Variants in ABI2 observed in about 807,000 individuals in gnomAD.
ABI2 encodes the protein abelson interactor 2.
In ABI2, 25 loss-of-function variants were observed where a neutral mutation model predicts 59.2. The observed-to-expected ratio is 0.42, with a 90% CI of 0.31 to 0.59. ABI2 has a LOEUF of 0.59. ABI2 is among the 20% of genes least tolerant of loss of function. The probability of loss-of-function intolerance (pLI) is 0.14; values close to 1 mark genes in which losing one functional copy is unlikely to be tolerated. For missense variants in ABI2, 545 were observed against 681.8 expected (o/e 0.80, Z 2.23); for synonymous variants, 213 against 235.5 (o/e 0.90, Z 0.87).
At chr2:203,404,597 C>T (rs939865411) in intron 9 of ABI2, among the ~76,000 whole-genome samples, 1 of 152,150 alleles carries the variant, frequency 6.6e-6, no homozygotes. Flanking sequence ...CTTGCTCTGT[C>T]ACCCAGGCTG....
At chr2:203,356,208 G>A (rs2091892373) in intron 1 of ABI2, among the ~76,000 whole-genome samples, 1 of 151,776 alleles carries the variant, frequency 6.6e-6, no homozygotes, top group African/African-American at 2.4e-5. Flanking sequence ...TTTTTTTTGA[G>A]ACAAGGTCTT....
intron 2 of ABI2, among the ~76,000 whole-genome samples, chr2:203,368,183 C>T (rs972003760): frequency 6.6e-6 from 1 of 152,022 alleles, no homozygotes; most frequent in Non-Finnish European, 1.5e-5. Flanking sequence ...TTGTACCTTT[C>T]ATAATCATTC....
intron 4 of ABI2, among the ~76,000 whole-genome samples, chr2:203,383,021 A>G (rs2096238398): frequency 6.6e-6 from 1 of 152,202 alleles, no homozygotes; most frequent in African/African-American, 2.4e-5. Context: ...GCCTGCCTAA[A>G]ATACAAGGTT....
Position 203,395,646 on chromosome 2 carries a change from A to C in ABI2, c.726-10A>C. On this transcript the variant is annotated splice_polypyrimidine_tract_variant and intron_variant, in intron 6 of 11. Transcript: ENST00000261018. ...AAATACTCATGTTTTGGTGGCTCTT[A>C]TTTCTTTAGCAGCAGTGGGAGTAGT... is the stretch of plus-strand genomic sequence containing the variant. 1.2e-6 allele frequency: 2 copies of C among 1,604,552 alleles called. No homozygotes were observed. Among genetic ancestry groups the C allele is most frequent in the East Asian group, 4.5e-5 (2 of 44,240 alleles).
At chr2:203,390,794 A>T (rs1466070868) in intron 4 of ABI2, among the ~76,000 whole-genome samples, 1 of 152,244 alleles carries the variant, frequency 6.6e-6, no homozygotes, top group African/African-American at 2.4e-5. Flanking sequence ...TGTTGGTGTG[A>T]TGGCCTAATG....
intron 2 of ABI2, chr2:203,375,943 G>C (rs2095649882): frequency 1.3e-6 from 1 of 747,370 alleles, no homozygotes; most frequent in Non-Finnish European, 2.1e-6. Context: ...CAATACTGCA[G>C]TTCAACCCCG....
chr2:203,350,531 C>CTT (rs982629503), intron 1 of ABI2, among the ~76,000 whole-genome samples: 8 of 150,160 alleles, frequency 5.3e-5, no homozygotes, highest in African/African-American at 2.0e-4. Flanking sequence ...TTTTCTTTTT[C>CTT]TTTCTTTTCT....
intron 1 of ABI2, among the ~76,000 whole-genome samples, chr2:203,358,056 C>G (rs2092612142): frequency 1.3e-5 from 2 of 148,604 alleles, no homozygotes; most frequent in Non-Finnish European, 3.0e-5. Flanking sequence ...CCATGAGCCA[C>G]TGTGCCTGGC....
intron 4 of ABI2, among the ~76,000 whole-genome samples, chr2:203,388,725 T>A (rs566507824): frequency 6.6e-6 from 1 of 152,018 alleles, no homozygotes; most frequent in African/African-American, 2.4e-5. Context: ...GATTTTAATA[T>A]ATAGATTGTT....
intron 1 of ABI2, among the ~76,000 whole-genome samples, chr2:203,366,313 G>A (rs562745262): frequency 1.3e-5 from 2 of 152,162 alleles, no homozygotes; most frequent in African/African-American, 2.4e-5. Flanking sequence ...CACTTACAAT[G>A]TTTGGGAAGG....
intron 4 of ABI2, among the ~76,000 whole-genome samples, chr2:203,389,224 A>C (rs1316890599): frequency 6.6e-6 from 1 of 152,214 alleles, no homozygotes; most frequent in Non-Finnish European, 1.5e-5. Context: ...GAGGGAGAGC[A>C]AGGATAAGTT....
Position 203,382,174 on chromosome 2 carries a change from C to G in ABI2, c.463-15C>G. 1 of 1,525,468 alleles carries G rather than the reference C, an allele frequency of 6.6e-7. No homozygotes were observed. The highest frequency in any genetic ancestry group is 8.8e-7 in the Non-Finnish European group (1 of 1,142,298). 94.5% of individuals were successfully genotyped at this position (1,525,468 alleles called of 1,614,324 possible). On this transcript the variant is annotated splice_polypyrimidine_tract_variant and intron_variant, in intron 3 of 11. Transcript: ENST00000261018. ...TTTTCCTTACCTCTTTTATTTGCTC[C>G]ATTTATGCATTAAGTGGTTGCTTAG... is the stretch of plus-strand genomic sequence containing the variant.
At chr2:203,384,295 T>TGTTTTTGTTTTTTTTTGTTTTG (rs1559289040) in intron 4 of ABI2, among the ~76,000 whole-genome samples, 1 of 87,944 alleles carries the variant, frequency 1.1e-5, no homozygotes, top group African/African-American at 3.6e-5. Context: ...TTTTTGTTTT[T>TGTTTTTGTTTTTTTTTGTTTTG]TTTTTTTTTT....
chr2:203,403,968 G>T (rs2097327576), intron 9 of ABI2, among the ~76,000 whole-genome samples: 1 of 151,804 alleles, frequency 6.6e-6, no homozygotes, highest in Non-Finnish European at 1.5e-5. Context: ...GGCCAGGCTG[G>T]TCTTAAACTC....
intron 10 of ABI2, among the ~76,000 whole-genome samples, chr2:203,414,101 CTTTTTT>C (rs539839995): frequency 7.9e-6 from 1 of 126,716 alleles, no homozygotes. Context: ...CTTGCATTGT[CTTTTTT>C]TTTTTTTTTT....
intron 2 of ABI2, among the ~76,000 whole-genome samples, chr2:203,374,175 A>G (rs909255866): frequency 4.6e-5 from 7 of 151,926 alleles, no homozygotes; most frequent in African/African-American, 1.7e-4. Context: ...CCAAAACACA[A>G]AAACTTTATA....
At position 203,430,746 on chromosome 2, in the gene ABI2, C is replaced by T. The variant is rs867377430; in HGVS notation, c.*3394C>T. ...GGGTGTGAGACATTTTCATCCCCTC[C>T]TTTTTCCTACTGCTGGTGTTTATTA... On this transcript the variant is annotated 3_prime_UTR_variant, in exon 12 of 12. Coordinates refer to ENST00000261018, the MANE Select transcript of ABI2 (RefSeq NM_001375670.1). 6.6e-6 allele frequency: 1 copy of T among 152,198 alleles called. No individual in the cohort carries two copies. The highest frequency in any genetic ancestry group is 6.5e-5 in the Admixed American group (1 of 15,280). 9.4% of individuals were successfully genotyped at this position (152,198 alleles called of 1,614,324 possible).
At chr2:203,393,167 G>A (rs1415063626) in intron 5 of ABI2, among the ~76,000 whole-genome samples, 1 of 152,154 alleles carries the variant, frequency 6.6e-6, no homozygotes, top group Non-Finnish European at 1.5e-5. Context: ...CGATTCTCCT[G>A]CTTCAGCCTC....
intron 4 of ABI2, among the ~76,000 whole-genome samples, chr2:203,385,176 G>T (rs2096439931): frequency 9.4e-6 from 1 of 106,488 alleles, no homozygotes; most frequent in South Asian, 3.5e-4. Flanking sequence ...CGTTGCCCAG[G>T]CTGGAGTGCA....
Sources: gnomAD v4.1 joint callset for allele counts (sites outside exome capture counted in the v4.1 genomes callset) on GRCh38, gnomAD v4.1.1 for gene constraint, MANE v1.5 for transcripts, NCBI Gene and HGNC (gene_info 2026-07-23, HGNC 2026-07-21) for gene names.